The following DNAJB4 variants were observed in gnomAD, a reference collection of about 807,000 sequenced individuals.
DNAJB4 encodes the protein DnaJ heat shock protein family (Hsp40) member B4, also known as dnaJ homolog subfamily B member 4.
In DNAJB4, 10 loss-of-function variants were observed where a neutral mutation model predicts 26.6. The ratio of observed to expected loss-of-function variants is 0.38; its 90% CI spans 0.23 to 0.64. The LOEUF (loss-of-function observed/expected upper bound fraction) is 0.64. DNAJB4 is among the 30% of genes least tolerant of loss of function. The probability of loss-of-function intolerance (pLI) is 0.58; values close to 1 mark genes in which losing one functional copy is unlikely to be tolerated. For missense variants in DNAJB4, 328 were observed against 408.2 expected, an observed-to-expected ratio of 0.80 and a Z score of 1.69; for synonymous variants, 136 against 134.8, an observed-to-expected ratio of 1.01 and a Z score of -0.06.
chr1:78,003,392 C>T (rs935932332), upstream of DNAJB4, among the ~76,000 whole-genome samples: 3 of 152,086 alleles, frequency 2.0e-5, no homozygotes, highest in African/African-American at 7.2e-5. Flanking sequence ...TTTCTAATGT[C>T]ATGGTGTTGT....
chr1:77,993,231 A>G (rs538082295), intron 1 of DNAJB4, among the ~76,000 whole-genome samples: 1 of 152,234 alleles, frequency 6.6e-6, no homozygotes, highest in East Asian at 1.9e-4. Flanking sequence ...TGCTGCAGCT[A>G]CTCAACTCTA....
At chr1:77,992,344 C>T (rs1340596243) in intron 1 of DNAJB4, among the ~76,000 whole-genome samples, 7 of 121,252 alleles carry the variant, frequency 5.8e-5, no homozygotes, top group Admixed American at 3.2e-4. Context: ...ACCCGGGAGG[C>T]GGAGCTTGCA....
intron 1 of DNAJB4, among the ~76,000 whole-genome samples, chr1:77,984,772 A>T (rs565901822): frequency 7.2e-5 from 11 of 152,300 alleles, no homozygotes; most frequent in African/African-American, 2.6e-4. Flanking sequence ...AAAGCTACAT[A>T]TGATTATGAA....
intron 1 of DNAJB4, among the ~76,000 whole-genome samples, chr1:77,992,412 C>CAAA (rs67649336): frequency 0.08 from 3,824 of 47,540 alleles, 814 homozygotes; most frequent in East Asian, 0.19. Flanking sequence ...GACTCCGTCT[C>CAAA]AAAAAAAAAA....
intron 1 of DNAJB4, among the ~76,000 whole-genome samples, chr1:78,009,263 A>G (rs1318230344): frequency 6.6e-6 from 1 of 152,198 alleles, no homozygotes; most frequent in Non-Finnish European, 1.5e-5. Context: ...GGATGGAGTA[A>G]GAGTTATTAA....
rs767537370 is a variant in DNAJB4 at position 78,017,025 on chromosome 1, T to C, written c.*778T>C. 5 of 152,102 alleles carry C rather than the reference T, an allele frequency of 3.3e-5. No homozygotes were observed. The highest frequency in any genetic ancestry group is 4.4e-5 in the Non-Finnish European group (3 of 67,932). 9.4% of individuals were successfully genotyped at this position (152,102 alleles called of 1,614,324 possible). Reference sequence around the variant, plus strand: ...TAGTTTAAAGTAATTCGTTTAATAATAGATGTGTTTTTAGAGGAAATGCTG... The same window carrying C: ...TAGTTTAAAGTAATTCGTTTAATAACAGATGTGTTTTTAGAGGAAATGCTG... On this transcript the variant is annotated 3_prime_UTR_variant, in exon 3 of 3. Transcript: ENST00000370763.
At chr1:77,982,202 A>G (rs1385800677) in intron 1 of DNAJB4, among the ~76,000 whole-genome samples, 4 of 152,244 alleles carry the variant, frequency 2.6e-5, no homozygotes, top group East Asian at 1.9e-4. Context: ...TTGATCCTAT[A>G]CTTGTTTCCT....
intron 1 of DNAJB4, among the ~76,000 whole-genome samples, chr1:77,983,020 G>C (rs1017655513): frequency 6.6e-6 from 1 of 152,126 alleles, no homozygotes; most frequent in Non-Finnish European, 1.5e-5. Flanking sequence ...GGAGGATCCC[G>C]CCAGCCTCTG....
Position 78,016,977 on chromosome 1 carries a change from T to G in DNAJB4, c.*730T>G, listed in dbSNP as rs1409357137. ...ACTATATATCTTGTACTTAATAAAT[T>G]ATAGGCTCATTTTGTTCTCTGCTAG... On this transcript the variant is annotated 3_prime_UTR_variant, in exon 3 of 3. Coordinates refer to ENST00000370763, the MANE Select transcript of DNAJB4 (RefSeq NM_007034.5). The G allele has an allele frequency of 6.6e-6, 1 of 152,156 alleles. No homozygotes were observed. The allele number at this position is 152,156 out of a possible 1,614,324, so 9.4% of individuals were successfully genotyped here. A position where few individuals can be genotyped will look rare whatever the true frequency, so the allele number is the denominator to read the frequency against.
At chr1:77,992,317 G>T (rs932805320) in intron 1 of DNAJB4, among the ~76,000 whole-genome samples, 2 of 144,258 alleles carry the variant, frequency 1.4e-5, no homozygotes, top group African/African-American at 2.6e-5. Flanking sequence ...GGAGGCTGAG[G>T]CAGGAGAATG....
At chr1:78,015,302 A>G (rs1175738986) in intron 2 of DNAJB4, among the ~76,000 whole-genome samples, 1 of 152,144 alleles carries the variant, frequency 6.6e-6, no homozygotes, top group Admixed American at 6.5e-5. Context: ...GCTCCTATCC[A>G]GTTCTTTCTA....
intron 1 of DNAJB4, among the ~76,000 whole-genome samples, chr1:77,993,406 C>T (rs376613440): frequency 1.6e-4 from 25 of 152,078 alleles, no homozygotes; most frequent in Non-Finnish European, 3.1e-4. Flanking sequence ...CTCCACCTCC[C>T]GGGTTTAAAC....
intron 1 of DNAJB4, among the ~76,000 whole-genome samples, chr1:78,009,514 G>A (rs1022568163): frequency 4.1e-4 from 63 of 152,106 alleles, no homozygotes; most frequent in Non-Finnish European, 6.8e-4. Flanking sequence ...AAGTGATGAC[G>A]ATGTCTAGAA....
At chr1:78,005,384 C>A in intron 1 of DNAJB4, 63 bp downstream of exon 1, 1 of 1,372,416 alleles carries the variant, frequency 7.3e-7, no homozygotes, top group Non-Finnish European at 9.8e-7. Context: ...TTTTCTCTCT[C>A]TCTGCCAGCC....
intron 1 of DNAJB4, among the ~76,000 whole-genome samples, chr1:78,006,030 G>A (rs1660322698): frequency 6.6e-6 from 1 of 152,090 alleles, no homozygotes. Flanking sequence ...ACCTAAAATG[G>A]CCACCTAGTT....
rs1660654375 is a variant in DNAJB4, at chr1:78,016,864, TTCTC to T, written c.*620_*623del. The T allele has an allele frequency of 6.6e-6, 1 of 152,142 alleles. No homozygotes were observed. Among genetic ancestry groups the T allele is most frequent in the African/African-American group, 2.4e-5 (1 of 41,466 alleles). The allele number at this position is 152,142 out of a possible 1,614,324, so 9.4% of individuals were successfully genotyped here. On this transcript the variant is annotated 3_prime_UTR_variant, in exon 3 of 3. Coordinates refer to ENST00000370763, the MANE Select transcript of DNAJB4 (RefSeq NM_007034.5). ...TCATAAAAAGGAAAGTAATGGCAAT[TTCTC>T]TCCTGTGGAAATCCCAATTGCTTGA... is the stretch of plus-strand genomic sequence containing the variant.
chr1:78,006,145 C>T (rs887362212), intron 1 of DNAJB4, among the ~76,000 whole-genome samples: 3 of 152,124 alleles, frequency 2.0e-5, no homozygotes, highest in African/African-American at 7.2e-5. Flanking sequence ...CCCTGCCATA[C>T]TTTTGTTTTT....
chr1:77,986,283 C>G (rs1456744177), intron 1 of DNAJB4, among the ~76,000 whole-genome samples: 1 of 152,188 alleles, frequency 6.6e-6, no homozygotes, highest in African/African-American at 2.4e-5. Flanking sequence ...GTAAATATTA[C>G]TACATTAATC....
chr1:77,998,860 A>G (rs1031358317), intron 1 of DNAJB4, among the ~76,000 whole-genome samples: 1 of 151,776 alleles, frequency 6.6e-6, no homozygotes, highest in African/African-American at 2.4e-5. Context: ...ATAAATAAAT[A>G]AATAGATTTT....
Sources: gnomAD v4.1 joint callset for allele counts (sites outside exome capture counted in the v4.1 genomes callset) on GRCh38, gnomAD v4.1.1 for gene constraint, MANE v1.5 for transcripts, NCBI Gene and HGNC (gene_info 2026-07-23, HGNC 2026-07-21) for gene names.